TCHH: variants seen among roughly 807,000 people sequenced by gnomAD.
TCHH encodes trichohyalin.
A neutral mutation model predicts 6.3 loss-of-function variants in TCHH; 6 were observed. That is an observed-to-expected ratio of 0.95 (90% CI 0.52 to 1.88). The LOEUF is 1.88. Ranked by LOEUF, TCHH falls within the 40% of genes most tolerant of loss-of-function variation. The probability of loss-of-function intolerance (pLI) is 0.01; values close to 1 mark genes in which losing one functional copy is unlikely to be tolerated. For synonymous variants in TCHH, 1,087 were observed against 963.6 expected (o/e 1.13, Z -2.37); for missense variants, 2,920 against 2,449.1 (o/e 1.19, Z -4.06).
rs1291262172 is a variant in TCHH at position 152,109,463 on chromosome 1, G to A, written c.3754C>T (p.Gln1252Ter). The A allele has an allele frequency of 9.9e-6, 16 of 1,614,224 alleles. No individual in the cohort carries two copies. Among genetic ancestry groups the A allele is most frequent in the African/African-American group, 1.3e-5 (1 of 75,060 alleles). Residue 1252 changes from glutamine (Q) to a stop codon, truncating the protein, a stop_gained, in exon 3 of 3, where the codon CAG (glutamine) becomes TAG (stop). Coordinates refer to ENST00000614923, the MANE Select transcript of TCHH (RefSeq NM_007113.4). LOFTEE classifies it low-confidence loss of function (END_TRUNC). Reference sequence around the variant, plus strand: ...TCGCGCAGCTGGGAATCTTCCAACTGCCGGAACTGTTCATTCTCTCTGCCT... The same window carrying A: ...TCGCGCAGCTGGGAATCTTCCAACTACCGGAACTGTTCATTCTCTCTGCCT... ...CKGRENEQFR[Q>*]LEDSQLRDRQ...
Position 152,108,681 on chromosome 1 carries a change from T to C in TCHH, c.4536A>G (p.Glu1512=), listed in dbSNP as rs762579162. 1.2e-6 allele frequency: 2 copies of C among 1,605,516 alleles called. No homozygotes were observed. Among genetic ancestry groups the C allele is most frequent in the Admixed American group, 3.4e-5 (2 of 59,136 alleles). The change falls in exon 3 of 3, where the codon GAA becomes GAG. Residue 1512 remains glutamate (E), a synonymous_variant. Coordinates refer to ENST00000614923, the MANE Select transcript of TCHH (RefSeq NM_007113.4). ...CCTCCTCGAGGAATTTTCTCTCTGG[T>C]TCCTGACTGCGCAGTTCCTGTTCGC... The part of the protein sequence containing the change: ...KFREQELRSQ[E]PERKFLEEEQ...
chr1:152,106,631 T>C lies in TCHH; in HGVS notation c.*754A>G, dbSNP rs1658113368. On this transcript the variant is annotated 3_prime_UTR_variant, in exon 3 of 3. Coordinates refer to ENST00000614923, the MANE Select transcript of TCHH (RefSeq NM_007113.4). The stretch of plus-strand genomic sequence containing the variant: ...ACTTGGGGAAGTAGAATGAACACTA[T>C]AGACTACAACAGACACAGTTTTAAA... 6.6e-6 allele frequency: 1 copy of C among 152,228 alleles called. No individual in the cohort carries two copies. Among genetic ancestry groups the C allele is most frequent in the South Asian group, 2.1e-4 (1 of 4,832 alleles). 9.4% of individuals were successfully genotyped at this position (152,228 alleles called of 1,614,324 possible).
At position 152,115,442 on chromosome 1, in the gene TCHH, T is replaced by A. The variant is rs1212261036; in HGVS notation, c.-83A>T. 1 of 152,226 alleles carries A rather than the reference T, an allele frequency of 6.6e-6. No homozygotes were observed. Among genetic ancestry groups the A allele is most frequent in the Non-Finnish European group, 1.5e-5 (1 of 68,054 alleles). The allele number at this position is 152,226 out of a possible 1,614,324, so 9.4% of individuals were successfully genotyped here. On this transcript the variant is annotated 5_prime_UTR_variant, in exon 1 of 3. Coordinates refer to ENST00000614923, the MANE Select transcript of TCHH (RefSeq NM_007113.4). ...AGTGCTTGCTGACACCACAGGCAAG[T>A]GTACTGGGTAACTGGGAGCTGGGCC...
At position 152,108,083 on chromosome 1, in the gene TCHH, C is replaced by A; in HGVS notation, c.5134G>T (p.Glu1712Ter). Reference sequence around the variant, plus strand: ...TCCTGGCGGCGCAGCTGCTGTTCCTCCTGGAGGAATTTTCTCTCTCGTTCC... The same window carrying A: ...TCCTGGCGGCGCAGCTGCTGTTCCTACTGGAGGAATTTTCTCTCTCGTTCC... The part of the protein sequence containing the change: ...RQERERKFLQ[E>*]EQQLRRQELE... Residue 1712 changes from glutamate (E) to a stop codon, truncating the protein, a stop_gained, in exon 3 of 3, where the codon GAG becomes TAG. Transcript: ENST00000614923. LOFTEE classifies it low-confidence loss of function (END_TRUNC). 5 of 1,613,778 alleles carry A rather than the reference C, an allele frequency of 3.1e-6. No homozygotes were observed. The highest frequency in any genetic ancestry group is 2.5e-6 in the Non-Finnish European group (3 of 1,179,886).
At position 152,108,023 on chromosome 1, in the gene TCHH, G is replaced by A. The variant is rs781645961; in HGVS notation, c.5194C>T (p.Arg1732Cys). Residue 1732 changes from arginine (R) to cysteine (C), a missense_variant, in exon 3 of 3, where the codon CGC becomes TGC. By Grantham distance (180) the Arg-to-Cys change is radical. Coordinates refer to ENST00000614923, the MANE Select transcript of TCHH (RefSeq NM_007113.4). ...AGCTGCTCTTGCTCCGTTTCTTGGC[G>A]CAGCTGTTCCTCCTCACGGAATTTT... ...ERKFREEEQLRQETEQEQLRR... is the reference protein window; with the variant it reads ...ERKFREEEQLCQETEQEQLRR... 2 of 1,613,252 alleles carry A rather than the reference G, an allele frequency of 1.2e-6. No homozygotes were observed. Among genetic ancestry groups the A allele is most frequent in the South Asian group, 2.2e-5 (2 of 91,026 alleles).
At position 152,113,904 on chromosome 1, in the gene TCHH, C is replaced by A. The variant is rs749336750; in HGVS notation, c.138+39G>T. ...TCTCCTCTGAGAATAAATCTCATAG[C>A]CTCAAGTCAATAGATCTCATTTTCT... is the stretch of plus-strand genomic sequence containing the variant. On this transcript the variant is annotated intron_variant, in intron 2 of 2. Transcript: ENST00000614923. 5 of 1,598,198 alleles carry A rather than the reference C, an allele frequency of 3.1e-6. No individual in the cohort carries two copies. In the South Asian group the frequency reaches 5.7e-5, roughly 18 times the overall value.
chr1:152,109,289 GCCTTTTGGCTT>G lies in TCHH; in HGVS notation c.3917_3927del (p.Glu1306AlafsTer50), dbSNP rs754987938. 1.2e-6 allele frequency: 2 copies of G among 1,613,986 alleles called. No homozygotes were observed. The highest frequency in any genetic ancestry group is 1.7e-6 in the Non-Finnish European group (2 of 1,180,024). ...TTTTCCTCTTGGGACTTCCTGTCGCGCCTTTTGGCTTCCTTTTGCTCTTCTCGCTCCAGCTG... is the reference window on the plus strand; with the variant it reads ...TTTTCCTCTTGGGACTTCCTGTCGCGCCTTTTGCTCTTCTCGCTCCAGCTG... On this transcript the variant is annotated frameshift_variant, in exon 3 of 3. Coordinates refer to ENST00000614923, the MANE Select transcript of TCHH (RefSeq NM_007113.4). LOFTEE classifies it low-confidence loss of function (END_TRUNC).
Position 152,108,943 on chromosome 1 carries a change from C to G in TCHH, c.4274G>C (p.Arg1425Pro), listed in dbSNP as rs747803708. 1.9e-6 allele frequency: 3 copies of G among 1,611,402 alleles called. No homozygotes were observed. The highest frequency in any genetic ancestry group is 2.5e-6 in the Non-Finnish European group (3 of 1,179,428). The change falls in exon 3 of 3, where the codon CGC becomes CCC. Residue 1425 changes from arginine (R) to proline (P), a missense_variant. Coordinates refer to ENST00000614923, the MANE Select transcript of TCHH (RefSeq NM_007113.4). ...ACGGAATTTTCTGTCACGCTCTTGG[C>G]GGCTCAGCTGCTGTTCCTCCTCGCG... ...KFREEEQQLS[R>P]QERDRKFREE...
At chr1:152,113,149 A>C in intron 2 of TCHH, 71 bp from the exon 3 acceptor site, 1 of 1,366,416 alleles carries the variant, frequency 7.3e-7, no homozygotes. Context: ...TTCACACATG[A>C]TATATTTTAT....
At position 152,110,269 on chromosome 1, in the gene TCHH, C is replaced by T. The variant is rs1315392678; in HGVS notation, c.2948G>A (p.Arg983His). Residue 983 changes from arginine to histidine, a missense_variant, in exon 3 of 3, where the codon CGC becomes CAC. Transcript: ENST00000614923. Reference sequence around the variant, plus strand: ...GCGGTATTTTTTCTCCCGCTCCTGGCGCCTTCTCTTCTCCGGTTCCTCTCC... The same window carrying T: ...GCGGTATTTTTTCTCCCGCTCCTGGTGCCTTCTCTTCTCCGGTTCCTCTCC... ...LLGEEPEKRR[R>H]QEREKKYREE... 3.4e-5 allele frequency: 54 copies of T among 1,611,078 alleles called. No individual in the cohort carries two copies. Among genetic ancestry groups the T allele is most frequent in the Non-Finnish European group, 4.5e-5 (53 of 1,178,932 alleles).
chr1:152,107,779 C>A lies in TCHH; in HGVS notation c.5438G>T (p.Arg1813Leu). ...ATACTTTCCGTCACGCTGTTGGGGGCGCAGCTGCTGTTCTTCCCTCTCCTG... is the reference window on the plus strand; with the variant it reads ...ATACTTTCCGTCACGCTGTTGGGGGAGCAGCTGCTGTTCTTCCCTCTCCTG... ...LRQEREEQQL[R>L]PQQRDGKYRW... Residue 1813 changes from arginine to leucine, a missense_variant, in exon 3 of 3, where the codon CGC (arginine) becomes CTC (leucine). Physicochemically the swap from Arg to Leu is moderately radical, Grantham distance 102 (BLOSUM62 -2). Transcript: ENST00000614923. The A allele has an allele frequency of 6.2e-7, 1 of 1,614,150 alleles. No homozygotes were observed. The highest frequency in any genetic ancestry group is 8.5e-7 in the Non-Finnish European group (1 of 1,180,004).
intron 2 of TCHH, among the ~76,000 whole-genome samples, 195 bp downstream of exon 2, chr1:152,113,748 A>G (rs1299413706): frequency 6.6e-6 from 1 of 152,240 alleles, no homozygotes; most frequent in African/African-American, 2.4e-5. Context: ...CATGCCATCA[A>G]GTACATGAAA....
In TCHH at chr1:152,109,323, C is replaced by T. The variant is rs1325860104; in HGVS notation, c.3894G>A (p.Gln1298=). 3.1e-6 allele frequency: 5 copies of T among 1,614,230 alleles called. No homozygotes were observed. Among genetic ancestry groups the T allele is most frequent in the African/African-American group, 1.3e-5 (1 of 75,054 alleles). ...QRDRHFPEEE[Q]LEREEQKEAK... The stretch of plus-strand genomic sequence containing the variant: ...CTTCCTTTTGCTCTTCTCGCTCCAG[C>T]TGTTCTTCCTCTGGGAAATGCCTGT... The change falls in exon 3 of 3, where the codon CAG becomes CAA. Residue 1298 remains glutamine, a synonymous_variant. Coordinates refer to ENST00000614923, the MANE Select transcript of TCHH (RefSeq NM_007113.4).
rs763933546 is a variant in TCHH at position 152,110,263 on chromosome 1, T to C, written c.2954A>G (p.Glu985Gly). 1.2e-5 allele frequency: 20 copies of C among 1,610,652 alleles called. No individual in the cohort carries two copies. Among genetic ancestry groups the C allele is most frequent in the Non-Finnish European group, 1.5e-5 (18 of 1,178,510 alleles). Residue 985 changes from glutamate (E) to glycine (G), a missense_variant, in exon 3 of 3, where the codon GAG (glutamate) becomes GGG (glycine). Coordinates refer to ENST00000614923, the MANE Select transcript of TCHH (RefSeq NM_007113.4). ...GEEPEKRRRQ[E>G]REKKYREEEE... ...TTCCTCGCGGTATTTTTTCTCCCGC[T>C]CCTGGCGCCTTCTCTTCTCCGGTTC...
In TCHH at chr1:152,107,766, A is replaced by T; in HGVS notation, c.5451T>A (p.Arg1817=). 2 of 1,614,034 alleles carry T rather than the reference A, an allele frequency of 1.2e-6. No homozygotes were observed. The highest frequency in any genetic ancestry group is 2.2e-5 in the South Asian group (2 of 91,078). ...CTTCTTCCCAGCGATACTTTCCGTC[A>T]CGCTGTTGGGGGCGCAGCTGCTGTT... ...REEQQLRPQQ[R]DGKYRWEEEQ... Residue 1817 remains arginine, a synonymous_variant, in exon 3 of 3, where the codon CGT becomes CGA. Transcript: ENST00000614923.
chr1:152,111,807 C>G lies in TCHH; in HGVS notation c.1410G>C (p.Glu470Asp), dbSNP rs559194798. ...REEETERHEQ[E>D]RRKQQLKRDQ... is the part of the protein sequence containing the mutation. ...CGCGCTTCAGCTGCTGCTTGCGCCT[C>G]TCCTGCTCGTGCCTCTCCGTCTCCT... The change falls in exon 3 of 3, where the codon GAG becomes GAC. Residue 470 changes from glutamate (E) to aspartate (D), a missense_variant. Physicochemically the swap from Glu to Asp is conservative, Grantham distance 45 (BLOSUM62 2). Transcript: ENST00000614923. 2.5e-6 allele frequency: 4 copies of G among 1,606,034 alleles called. No homozygotes were observed. In the South Asian group the frequency reaches 4.4e-5, roughly 18 times the overall value.
chr1:152,113,075 G>T lies in TCHH; in HGVS notation c.142C>A (p.Pro48Thr). The T allele has an allele frequency of 6.3e-7, 1 of 1,591,530 alleles. No individual in the cohort carries two copies. Among genetic ancestry groups the T allele is most frequent in the Non-Finnish European group, 8.5e-7 (1 of 1,170,680 alleles). Residue 48 changes from proline (P) to threonine (T), a missense_variant, in exon 3 of 3, where the codon CCA becomes ACA. Pro to Thr is a conservative substitution (Grantham distance 38). Coordinates refer to ENST00000614923, the MANE Select transcript of TCHH (RefSeq NM_007113.4). The part of the protein sequence containing the change: ...EREFGAVLRR[P>T]HDPKTVDLIL... ...AGATCTACCGTCTTAGGGTCATGTG[G>T]TCTCTATAAAAATGGTGAAAACAAA...
rs1020816371 is a variant in TCHH, at chr1:152,107,226, C to T, written c.*159G>A. 6.8e-6 allele frequency: 5 copies of T among 730,210 alleles called. No homozygotes were observed. Among genetic ancestry groups the T allele is most frequent in the Non-Finnish European group, 8.7e-6 (4 of 461,288 alleles). The allele number at this position is 730,210 out of a possible 1,614,324, so 45.2% of individuals were successfully genotyped here. On this transcript the variant is annotated 3_prime_UTR_variant, in exon 3 of 3. Coordinates refer to ENST00000614923, the MANE Select transcript of TCHH (RefSeq NM_007113.4). The stretch of plus-strand genomic sequence containing the variant: ...GAATAAAAAGCAGAAGTACAAAGTG[C>T]GTAAAATGAGCGTAGTTTAAGATTT...
rs759261111 is a variant in TCHH, at chr1:152,107,483, GCCGC to G, written c.5730_5733del (p.Arg1911PhefsTer34). On this transcript the variant is annotated frameshift_variant, in exon 3 of 3. Transcript: ENST00000614923. LOFTEE classifies it high-confidence loss of function. ...AACTGATGAGTGCCGGGCTCCAGAA[GCCGC>G]CCATGGCCCTTCCCTTCTTGGGATT... The G allele has an allele frequency of 1.1e-5, 17 of 1,614,096 alleles. No homozygotes were observed.
Sources: gnomAD v4.1 joint callset for allele counts (sites outside exome capture counted in the v4.1 genomes callset) on GRCh38, gnomAD v4.1.1 for gene constraint, MANE v1.5 for transcripts, NCBI Gene and HGNC (gene_info 2026-07-23, HGNC 2026-07-21) for gene names.